The following RAD51AP2 variants were observed in gnomAD, a reference collection of about 807,000 sequenced individuals.
RAD51AP2 encodes the protein RAD51-associated protein 2.
Under a neutral mutation model 85.5 loss-of-function variants are expected in RAD51AP2, and 67 were observed. The observed-to-expected ratio is 0.78, with a 90% CI of 0.64 to 0.96. The LOEUF (loss-of-function observed/expected upper bound fraction) is 0.96, where lower values mean the gene tolerates loss of function less well. Ranked by LOEUF, RAD51AP2 falls within the 40% of genes least tolerant of loss-of-function variation. The pLI, the probability that RAD51AP2 is intolerant of heterozygous loss-of-function variation, is 0.00. For missense variants in RAD51AP2, 1,307 were observed against 1,332.4 expected, an observed-to-expected ratio of 0.98 and a Z score of 0.30; for synonymous variants, 474 against 446.5, an observed-to-expected ratio of 1.06 and a Z score of -0.78.
rs1253795737 is a variant in RAD51AP2 at position 17,515,231 on chromosome 2, G to A, written c.3185C>T (p.Pro1062Leu). 2 of 1,608,634 alleles carry A rather than the reference G, an allele frequency of 1.2e-6. No individual in the cohort carries two copies. Among genetic ancestry groups the A allele is most frequent in the African/African-American group, 2.7e-5 (2 of 74,876 alleles). ...TCTACTTGGATAACAACTCTCATTA[G>A]GAACTTCCTGTTCTCCATTATTGGG... ...TVPNNGEQEV[P>L]NESCYPSRSE... Residue 1062 changes from proline (P) to leucine (L), a missense_variant, in exon 1 of 3, where the codon CCT (proline) becomes CTT (leucine). Physicochemically the swap from Pro to Leu is moderately conservative, Grantham distance 98 (BLOSUM62 -3). Transcript: ENST00000399080.
the RAD51AP2 span, among the ~76,000 whole-genome samples, chr2:17,532,837 T>C: frequency 1.9e-4 from 29 of 152,260 alleles, no homozygotes; most frequent in Non-Finnish European, 3.5e-4. Context: ...AGCATGCATA[T>C]ATTTGAAACA....
chr2:17,511,040 TTTTACTGAATA>T lies in RAD51AP2; in HGVS notation c.3329-96_3329-86del, dbSNP rs1473014999. 6 of 784,822 alleles carry T rather than the reference TTTTACTGAATA, an allele frequency of 7.6e-6. No homozygotes were observed. The African/African-American group carries it at 9.0e-5, about 12-fold the overall frequency. 48.6% of individuals were successfully genotyped at this position (784,822 alleles called of 1,614,324 possible). On this transcript the variant is annotated intron_variant, in intron 2 of 2. Coordinates refer to ENST00000399080, the MANE Select transcript of RAD51AP2 (RefSeq NM_001099218.3). Reference sequence around the variant, plus strand: ...TACTTCTAATCATGATATTAGCAACTTTTACTGAATATTTACTGAGCACTTATTATTTATGT... The same window carrying T: ...TACTTCTAATCATGATATTAGCAACTTTTACTGAGCACTTATTATTTATGT...
In RAD51AP2 at chr2:17,515,294, C is replaced by T. The variant is rs755603867; in HGVS notation, c.3122G>A (p.Gly1041Asp). 5 of 1,613,622 alleles carry T rather than the reference C, an allele frequency of 3.1e-6. No individual in the cohort carries two copies. Among genetic ancestry groups the T allele is most frequent in the Non-Finnish European group, 4.2e-6 (5 of 1,179,782 alleles). The stretch of plus-strand genomic sequence containing the variant: ...TTTAAATAAACTTTGGTGACTTTTG[C>T]CCATATTAGGACCTGCTATAGTATC... ...FHDTIAGPNM[G>D]KSHQSLFKWK... Residue 1041 changes from glycine (G) to aspartate (D), a missense_variant, in exon 1 of 3, where the codon GGC becomes GAC. Coordinates refer to ENST00000399080, the MANE Select transcript of RAD51AP2 (RefSeq NM_001099218.3).
chr2:17,537,228 G>A, the RAD51AP2 span, among the ~76,000 whole-genome samples: 1 of 151,866 alleles, frequency 6.6e-6, no homozygotes, highest in African/African-American at 2.4e-5. Flanking sequence ...AAGCTGAGGC[G>A]GGAGGATCAC....
At chr2:17,523,898 T>G in the RAD51AP2 span, among the ~76,000 whole-genome samples, 1 of 151,904 alleles carries the variant, frequency 6.6e-6, no homozygotes, top group African/African-American at 2.4e-5. Context: ...TGAATCATAA[T>G]ATAATCTTCA....
At position 17,517,094 on chromosome 2, in the gene RAD51AP2, A is replaced by G. The variant is rs775056683; in HGVS notation, c.1322T>C (p.Leu441Ser). The change falls in exon 1 of 3, where the codon TTA becomes TCA. Residue 441 changes from leucine to serine, a missense_variant. By Grantham distance (145) the Leu-to-Ser change is moderately radical. Around this residue, in one of 3 missense-constraint regions of RAD51AP2, gnomAD observed 635 missense variants for 643.6 expected, o/e 0.99. Transcript: ENST00000399080. ...NWLLLLEIDL[L>S]SKEDYHCAKV... is the part of the protein sequence containing the mutation. ...TGCACAGTGGTAATCTTCCTTGCTT[A>G]AAAGGTCTATTTCTAATAATAATAG... 6.2e-7 allele frequency: 1 copy of G among 1,612,756 alleles called. No homozygotes were observed. The highest frequency in any genetic ancestry group is 1.1e-5 in the South Asian group (1 of 90,750).
chr2:17,514,165 T>C (rs1662577389), intron 1 of RAD51AP2, 73 bp from the exon 2 acceptor site: 2 of 865,328 alleles, frequency 2.3e-6, no homozygotes, highest in African/African-American at 3.4e-5. Context: ...AAACAAATTA[T>C]ATTTTCAGAA....
the RAD51AP2 span, among the ~76,000 whole-genome samples, chr2:17,530,537 T>C: frequency 0.033 from 4,256 of 130,396 alleles, 64 homozygotes; most frequent in Middle Eastern, 0.091. Flanking sequence ...GCCAAGATTG[T>C]GCCACTGCAC....
chr2:17,536,366 G>A, the RAD51AP2 span, among the ~76,000 whole-genome samples: 1,736 of 152,104 alleles, frequency 0.011, 18 homozygotes, highest in Non-Finnish European at 0.019. Flanking sequence ...AAAGAAACAG[G>A]GCCATGCACA....
chr2:17,530,601 A>C, the RAD51AP2 span, among the ~76,000 whole-genome samples: 1 of 150,924 alleles, frequency 6.6e-6, no homozygotes, highest in Non-Finnish European at 1.5e-5. Flanking sequence ...AAAAAAAAAA[A>C]AAAAAAAAAA....
At chr2:17,520,533 A>T (rs1662835916), upstream of RAD51AP2, among the ~76,000 whole-genome samples, 1 of 152,136 alleles carries the variant, frequency 6.6e-6, no homozygotes, top group Non-Finnish European at 1.5e-5. Flanking sequence ...CTTTAAAGAC[A>T]GCATCTATCT....
At chr2:17,514,868 G>A (rs1662601987) in intron 1 of RAD51AP2, among the ~76,000 whole-genome samples, 1 of 151,918 alleles carries the variant, frequency 6.6e-6, no homozygotes, top group Non-Finnish European at 1.5e-5. Context: ...ATGATATGTG[G>A]TAAATGCTAT....
chr2:17,510,827 C>T lies in RAD51AP2; in HGVS notation c.3457G>A (p.Gly1153Arg), dbSNP rs778982226. The change falls in exon 3 of 3, where the codon GGA becomes AGA. Residue 1153 changes from glycine to arginine, a missense_variant. This residue lies in a region of RAD51AP2 where 668 missense variants were observed against 671.0 expected (regional missense o/e 1.00). Transcript: ENST00000399080. ...LHPYLKQMCY[G>R]NLKENF ...AGTCAAAAATTTTCTTTTAAGTTTC[C>T]GTAACACATTTGTTTCAGATAAGGA... 2.4e-5 allele frequency: 38 copies of T among 1,581,708 alleles called. No homozygotes were observed. The highest frequency in any genetic ancestry group is 1.1e-4 in the East Asian group (5 of 44,164).
chr2:17,515,022 A>G, intron 1 of RAD51AP2, 147 bp downstream of exon 1: 2 of 626,076 alleles, frequency 3.2e-6, no homozygotes, highest in East Asian at 3.0e-5. Context: ...AAAAAAAAAG[A>G]AAGAAAATAG....
At position 17,517,718 on chromosome 2, in the gene RAD51AP2, T is replaced by A. The variant is rs1662733563; in HGVS notation, c.698A>T (p.Lys233Ile). 6.2e-7 allele frequency: 1 copy of A among 1,613,426 alleles called. No individual in the cohort carries two copies. Among genetic ancestry groups the A allele is most frequent in the South Asian group, 1.1e-5 (1 of 90,910 alleles). ...GGGCTGGTTTTGAGATTTTGATATT[T>A]TTAGTACAGATGATGAAATGTTATT... ...RENNISSSVL[K>I]ISKSQNQPSL... The change falls in exon 1 of 3, where the codon AAA becomes ATA. Residue 233 changes from lysine to isoleucine, a missense_variant. Around this residue, in one of 3 missense-constraint regions of RAD51AP2, gnomAD observed 635 missense variants for 643.6 expected, o/e 0.99. Transcript: ENST00000399080.
the RAD51AP2 span, among the ~76,000 whole-genome samples, chr2:17,533,235 GTCTGCTGGACC>G: frequency 3.3e-5 from 5 of 152,120 alleles, no homozygotes; most frequent in Admixed American, 2.6e-4. Context: ...ATTTCTTGAT[GTCTGCTGGACC>G]TCTCCACCTA....
chr2:17,512,206 G>A (rs1662512951), intron 2 of RAD51AP2, among the ~76,000 whole-genome samples: 1 of 152,094 alleles, frequency 6.6e-6, no homozygotes, highest in Non-Finnish European at 1.5e-5. Context: ...ATGGCAGGTG[G>A]GTGGGTATCA....
intron 2 of RAD51AP2, 83 bp downstream of exon 2, chr2:17,513,929 A>G (rs1662570158): frequency 1.4e-6 from 1 of 734,600 alleles, no homozygotes; most frequent in Non-Finnish European, 2.4e-6. Flanking sequence ...AACAACATGA[A>G]TATCTATACT....
chr2:17,516,622 T>C lies in RAD51AP2; in HGVS notation c.1794A>G (p.Glu598=), dbSNP rs199581036. The change falls in exon 1 of 3, where the codon GAA becomes GAG. Residue 598 remains glutamate (E), a synonymous_variant. Coordinates refer to ENST00000399080, the MANE Select transcript of RAD51AP2 (RefSeq NM_001099218.3). ...LNNFDSLTRI[E]NDFELEEECI... is the part of the protein sequence containing the mutation. Reference sequence around the variant, plus strand: ...ATTCCTCTTCTAATTCAAAATCATTTTCAATTCTTGTTAAAGAGTCAAAGT... The same window carrying C: ...ATTCCTCTTCTAATTCAAAATCATTCTCAATTCTTGTTAAAGAGTCAAAGT... The C allele has an allele frequency of 6.4e-7, 1 of 1,574,742 alleles. No individual in the cohort carries two copies. The highest frequency in any genetic ancestry group is 8.6e-7 in the Non-Finnish European group (1 of 1,164,234).
Sources: gnomAD v4.1 joint callset for allele counts (sites outside exome capture counted in the v4.1 genomes callset) on GRCh38, gnomAD v4.1.1 for gene constraint, gnomAD v4.1.1 regional missense constraint, MANE v1.5 for transcripts, NCBI Gene and HGNC (gene_info 2026-07-23, HGNC 2026-07-21) for gene names.